The following PYCR2 variants were observed in gnomAD, a reference collection of about 807,000 sequenced individuals.
The protein encoded by PYCR2 is pyrroline-5-carboxylate reductase 2.
In PYCR2, 17 loss-of-function variants were observed where a neutral mutation model predicts 23.4. The ratio of observed to expected loss-of-function variants is 0.73; its 90% confidence interval spans 0.50 to 1.09. PYCR2 has a LOEUF of 1.09. Among genes scored for constraint, PYCR2 ranks in the 50% least tolerant of loss-of-function variants. The pLI is 0.00. For synonymous variants in PYCR2, 172 were observed against 176.6 expected (o/e 0.97, Z 0.21); for missense variants, 380 against 423.5 (o/e 0.90, Z 0.90).
At chr1:225,920,664 C>G (rs1177614881) in intron 6 of PYCR2, 44 bp from the exon 7 acceptor site, 1 of 1,587,268 alleles carries the variant, frequency 6.3e-7, no homozygotes, top group East Asian at 2.2e-5. Flanking sequence ...GCAATAAACC[C>G]TGGGGCCAGA....
intron 2 of PYCR2, 111 bp downstream of exon 2, chr1:225,923,590 C>A: frequency 2.5e-6 from 4 of 1,580,420 alleles, no homozygotes; most frequent in Non-Finnish European, 3.4e-6. Flanking sequence ...TAAAGGTCAC[C>A]GCCGGCCAAA....
chr1:225,923,926 A>G (rs1671919090), intron 1 of PYCR2, 118 bp downstream of exon 1: 1 of 1,470,382 alleles, frequency 6.8e-7, no homozygotes, highest in Non-Finnish European at 9.2e-7. Context: ...GCTCAACCAG[A>G]GTCTCATCTA....
chr1:225,923,716 C>G lies in PYCR2; in HGVS notation c.123G>C (p.Thr41=). The part of the protein sequence containing the change: ...IASSPEMNLP[T]VSALRKMGVN... ...CTCCACCTACCCTGAGCGCGGACAC[C>G]GTGGGCAGGTTCATTTCTGGGGAGC... Residue 41 remains threonine, a synonymous_variant, in exon 2 of 7, where the codon ACG becomes ACC. Transcript: ENST00000343818. The G allele has an allele frequency of 6.2e-7, 1 of 1,614,110 alleles. No homozygotes were observed.
At position 225,923,897 on chromosome 1, in the gene PYCR2, G is replaced by C. The variant is rs1671918651; in HGVS notation, c.68-126C>G. The C allele has an allele frequency of 4.7e-6, 7 of 1,486,310 alleles. No homozygotes were observed. In the South Asian group the frequency reaches 8.4e-5, roughly 18 times the overall value. 92.1% of individuals were successfully genotyped at this position (1,486,310 alleles called of 1,614,324 possible). On this transcript the variant is annotated intron_variant, in intron 1 of 6. Coordinates refer to ENST00000343818, the MANE Select transcript of PYCR2 (RefSeq NM_013328.4). ...CCTCTCCCCCTCAACCCTCTACGAG[G>C]ACAGAAGACGCACTTGCTGCTCAAC...
At position 225,920,379 on chromosome 1, in the gene PYCR2, G is replaced by C; in HGVS notation, c.*76C>G. ...CAGCTGAGGAGGGGCAATGGTGGGAGCGGGGCAGGGGGGTGGCAGGGGCGG... is the reference window on the plus strand; with the variant it reads ...CAGCTGAGGAGGGGCAATGGTGGGACCGGGGCAGGGGGGTGGCAGGGGCGG... On this transcript the variant is annotated 3_prime_UTR_variant, in exon 7 of 7. Coordinates refer to ENST00000343818, the MANE Select transcript of PYCR2 (RefSeq NM_013328.4). The C allele has an allele frequency of 7.5e-7, 1 of 1,331,764 alleles. No homozygotes were observed. Among genetic ancestry groups the C allele is most frequent in the East Asian group, 2.5e-5 (1 of 39,996 alleles). The allele number at this position is 1,331,764 out of a possible 1,614,324, so 82.5% of individuals were successfully genotyped here.
chr1:225,923,621 G>A (rs1440085482), intron 2 of PYCR2, 80 bp downstream of exon 2: 3 of 1,606,612 alleles, frequency 1.9e-6, no homozygotes, highest in African/African-American at 2.7e-5. Context: ...TGGGCGCAGG[G>A]GCCGGCCAGA....
Position 225,921,708 on chromosome 1 carries a change from T to G in PYCR2, c.541-64A>C, listed in dbSNP as rs1671845842. On this transcript the variant is annotated intron_variant, in intron 4 of 6. Coordinates refer to ENST00000343818, the MANE Select transcript of PYCR2 (RefSeq NM_013328.4). The surrounding 1 kb of genome is among the most constrained non-coding windows in gnomAD (Gnocchi z 4.2). ...GAAGGGCCTTTCCTTAGGTCTGCTT[T>G]CTGATGACTAGAACTAGCTCCAAGG... is the stretch of plus-strand genomic sequence containing the variant. 2.5e-6 allele frequency: 4 copies of G among 1,598,872 alleles called. No individual in the cohort carries two copies. The highest frequency in any genetic ancestry group is 3.4e-6 in the Non-Finnish European group (4 of 1,166,418).
chr1:225,921,193 G>C lies in PYCR2; in HGVS notation c.797+15C>G. The stretch of plus-strand genomic sequence containing the variant: ...ACTGAAGGGTCTGGGACAGAAGTCC[G>C]CGGGATGGACTCACCGTGTTCGGAT... On this transcript the variant is annotated intron_variant, in intron 6 of 6. Transcript: ENST00000343818. This position sits in a 1 kb window ranked among gnomAD's most constrained non-coding sequence, Gnocchi z 4.2. 1 of 1,608,252 alleles carries C rather than the reference G, an allele frequency of 6.2e-7. No individual in the cohort carries two copies. Among genetic ancestry groups the C allele is most frequent in the Non-Finnish European group, 8.5e-7 (1 of 1,176,658 alleles).
rs1360796901 is a variant in PYCR2, at chr1:225,922,025, G to A, written c.373C>T (p.Pro125Ser). The A allele has an allele frequency of 3.1e-6, 5 of 1,614,086 alleles. No individual in the cohort carries two copies. The highest frequency in any genetic ancestry group is 4.2e-6 in the Non-Finnish European group (5 of 1,180,040). The change falls in exon 4 of 7, where the codon CCT becomes TCT. Residue 125 changes from proline (P) to serine (S), a missense_variant. Coordinates refer to ENST00000343818, the MANE Select transcript of PYCR2 (RefSeq NM_013328.4). Reference sequence around the variant, plus strand: ...GTAGCGCCTTCCTGCACTACCACAGGTGTGTTGGTCATGCAGCGAATCACT... The same window carrying A: ...GTAGCGCCTTCCTGCACTACCACAGATGTGTTGGTCATGCAGCGAATCACT... ...PKVIRCMTNT[P>S]VVVQEGATVY...
In PYCR2 at chr1:225,921,137, G is replaced by A; in HGVS notation, c.797+71C>T. 6.9e-7 allele frequency: 1 copy of A among 1,443,820 alleles called. No homozygotes were observed. Among genetic ancestry groups the A allele is most frequent in the Non-Finnish European group, 9.4e-7 (1 of 1,059,938 alleles). 89.4% of individuals were successfully genotyped at this position (1,443,820 alleles called of 1,614,324 possible). A position where few individuals can be genotyped will look rare whatever the true frequency, so the allele number is the denominator to read the frequency against. On this transcript the variant is annotated intron_variant, in intron 6 of 6. Coordinates refer to ENST00000343818, the MANE Select transcript of PYCR2 (RefSeq NM_013328.4). The surrounding 1 kb of genome is among the most constrained non-coding windows in gnomAD (Gnocchi z 4.2). ...ACCCAAGACAGCAGGTTCCGCAAAT[G>A]GTGCTCAACCCAGCCCAGGGACCAA...
chr1:225,921,246 C>CAGAGAGCGGAAGCCCCCACTCTCT lies in PYCR2; in HGVS notation c.735_758dup (p.Glu246_Leu253dup), dbSNP rs1671828096. ...AGGAGGCCTCAACTGCATTGATGAG[C>CAGAGAGCGGAAGCCCCCACTCTCT]AGAGAGCGGAAGCCCCCACTCTCTA... is the stretch of plus-strand genomic sequence containing the variant. On this transcript the variant is annotated inframe_insertion, in exon 6 of 7. Coordinates refer to ENST00000343818, the MANE Select transcript of PYCR2 (RefSeq NM_013328.4). This position sits in a 1 kb window ranked among gnomAD's most constrained non-coding sequence, Gnocchi z 4.2. The CAGAGAGCGGAAGCCCCCACTCTCT allele has an allele frequency of 6.2e-7, 1 of 1,613,906 alleles. No homozygotes were observed.
rs142139864 is a variant in PYCR2, at chr1:225,922,135, C to T, written c.319-56G>A. ...CCAGGGCACGGCTCCCACCAGCACC[C>T]ACCCATTAGCTGCCATTCGTGGGTC... On this transcript the variant is annotated intron_variant, in intron 3 of 6. Coordinates refer to ENST00000343818, the MANE Select transcript of PYCR2 (RefSeq NM_013328.4). 207 of 1,606,310 alleles carry T rather than the reference C, an allele frequency of 1.3e-4. 2 individuals are homozygous for T. The African/African-American group carries it at 2.4e-3, about 19-fold the overall frequency.
intron 2 of PYCR2, chr1:225,923,104 T>C (rs897558637): frequency 5.9e-6 from 5 of 852,926 alleles, no homozygotes; most frequent in African/African-American, 5.5e-5. Context: ...TTTAAGGTCA[T>C]ACAACTCGTC....
chr1:225,921,443 T>C lies in PYCR2; in HGVS notation c.634-72A>G. On this transcript the variant is annotated intron_variant, in intron 5 of 6. Transcript: ENST00000343818. The surrounding 1 kb of genome is among the most constrained non-coding windows in gnomAD (Gnocchi z 4.2). ...ACAGGCTTCCCATACCCACTGCTCC[T>C]GCCCAACTGCTACCCCAGCTTCCCA... The C allele has an allele frequency of 6.5e-7, 1 of 1,530,410 alleles. No homozygotes were observed. The highest frequency in any genetic ancestry group is 9.0e-7 in the Non-Finnish European group (1 of 1,111,458). 94.8% of individuals were successfully genotyped at this position (1,530,410 alleles called of 1,614,324 possible).
In PYCR2 at chr1:225,921,538, G is replaced by T. The variant is rs1213052392; in HGVS notation, c.633+14C>A. On this transcript the variant is annotated intron_variant, in intron 5 of 6. Transcript: ENST00000343818. The surrounding 1 kb of genome is among the most constrained non-coding windows in gnomAD (Gnocchi z 4.2). The stretch of plus-strand genomic sequence containing the variant: ...TACACCCTGGTCCTGAACATGCGGG[G>T]GAAAGATACTGACCAGCAAAGCCTG... The T allele has an allele frequency of 1.2e-6, 2 of 1,613,976 alleles. No homozygotes were observed. Among genetic ancestry groups the T allele is most frequent in the Admixed American group, 3.3e-5 (2 of 60,018 alleles).
intron 2 of PYCR2, 39 bp from the exon 3 acceptor site, chr1:225,922,422 C>T (rs1158253387): frequency 5.1e-6 from 8 of 1,582,796 alleles, no homozygotes; most frequent in Admixed American, 1.7e-5. Context: ...GCTGGAGCAG[C>T]CTGGCTATGC....
rs756981499 is a variant in PYCR2 at position 225,922,062 on chromosome 1, C to A, written c.336G>T (p.Gln112His). ...SSVEKKLMAF[Q>H]PAPKVIRCMT... ...TGCAGCGAATCACTTTGGGGGCTGGCTGGAATGCCATCAGCTTCTAGGGTG... is the reference window on the plus strand; with the variant it reads ...TGCAGCGAATCACTTTGGGGGCTGGATGGAATGCCATCAGCTTCTAGGGTG... The change falls in exon 4 of 7, where the codon CAG becomes CAT. Residue 112 changes from glutamine (Q) to histidine (H), a missense_variant. Transcript: ENST00000343818. 2 of 1,614,040 alleles carry A rather than the reference C, an allele frequency of 1.2e-6. No individual in the cohort carries two copies. Among genetic ancestry groups the A allele is most frequent in the Non-Finnish European group, 8.5e-7 (1 of 1,179,944 alleles).
Position 225,921,798 on chromosome 1 carries a change from T to C in PYCR2, c.540+60A>G, listed in dbSNP as rs1671849059. 2 of 1,606,662 alleles carry C rather than the reference T, an allele frequency of 1.2e-6. No homozygotes were observed. Among genetic ancestry groups the C allele is most frequent in the African/African-American group, 2.7e-5 (2 of 74,888 alleles). On this transcript the variant is annotated intron_variant, in intron 4 of 6. Transcript: ENST00000343818. This position sits in a 1 kb window ranked among gnomAD's most constrained non-coding sequence, Gnocchi z 4.2. Reference sequence around the variant, plus strand: ...GCGCCACCCCCAGTCCAAGCCTGCCTGCCAGCCCATCTTGCTGCCTGGGTT... The same window carrying C: ...GCGCCACCCCCAGTCCAAGCCTGCCCGCCAGCCCATCTTGCTGCCTGGGTT...
chr1:225,924,136 G>A lies in PYCR2; in HGVS notation c.-26C>T, dbSNP rs781047387. 14 of 1,534,344 alleles carry A rather than the reference G, an allele frequency of 9.1e-6. No individual in the cohort carries two copies. Among genetic ancestry groups the A allele is most frequent in the Non-Finnish European group, 1.2e-5 (14 of 1,142,796 alleles). ...GGTCCGCGGTTCACGCCTCCTGGGA[G>A]CCGCACGAACCCCCTCAGCGAGGGA... On this transcript the variant is annotated 5_prime_UTR_variant, in exon 1 of 7. Coordinates refer to ENST00000343818, the MANE Select transcript of PYCR2 (RefSeq NM_013328.4).
Sources: allele counts gnomAD v4.1 joint callset, GRCh38; gene constraint gnomAD v4.1.1; non-coding constraint Gnocchi (gnomAD v3.1); transcripts MANE v1.5; gene names NCBI Gene and HGNC (gene_info 2026-07-23, HGNC 2026-07-21).